PLXNA3: variants seen among roughly 807,000 people sequenced by gnomAD.
PLXNA3 encodes the protein plexin-A3.
A neutral mutation model predicts 118.8 loss-of-function variants in PLXNA3; 52 were observed. That is an observed-to-expected ratio of 0.44 (90% CI 0.35 to 0.55). The LOEUF (loss-of-function observed/expected upper bound fraction) is 0.55. Ranked by LOEUF, PLXNA3 falls within the 20% of genes least tolerant of loss-of-function variation. PLXNA3 has a pLI of 0.01. For synonymous variants in PLXNA3, 925 were observed against 762.4 expected (o/e 1.21, Z -3.51); for missense variants, 1,660 against 1,730.8 (o/e 0.96, Z 0.73).
intron 6 of PLXNA3, 111 bp from the exon 7 acceptor site, chrX:154,463,840 C>T (rs1384386387): frequency 2.0e-5 from 21 of 1,044,125 alleles, no homozygotes; most frequent in Admixed American, 5.5e-5. Context: ...TGACGTCCCT[C>T]GGGCCCCAGG....
rs1557208248 is a variant in PLXNA3 at position 154,468,453 on chromosome X, C to T, written c.4114C>T (p.Leu1372=). The T allele has an allele frequency of 1.7e-6, 2 of 1,211,457 alleles. No homozygotes were observed. The highest frequency in any genetic ancestry group is 2.2e-5 in the Admixed American group (1 of 46,182). Residue 1372 remains leucine (L), a synonymous_variant, in exon 23 of 33, where the codon CTG becomes TTG. Transcript: ENST00000369682. The stretch of plus-strand genomic sequence containing the variant: ...CGTGGCCTCGCTCACCATGGTGGCC[C>T]TGCAGAGCCGGCTCGACTATGCCAC... The part of the protein sequence containing the change: ...GTVASLTMVA[L]QSRLDYATGL...
chrX:154,460,822 C>T (rs1488248672), intron 2 of PLXNA3, 45 bp downstream of exon 2: 1 of 955,403 alleles, frequency 1.0e-6, no homozygotes, highest in East Asian at 3.1e-5. Context: ...AGTCCTGGCT[C>T]TGCCTCCCAG....
chrX:154,471,948 T>C (rs1475599405), intron 32 of PLXNA3, among the ~76,000 whole-genome samples: 1 of 112,312 alleles, frequency 8.9e-6, no homozygotes, highest in African/African-American at 3.2e-5. Context: ...GTGTGGACTT[T>C]AGGATGGAGT....
rs782003321 is a variant in PLXNA3 at position 154,464,195 on chromosome X, G to A, written c.1710G>A (p.Ala570=). 36 of 1,208,478 alleles carry A rather than the reference G, an allele frequency of 3.0e-5. No individual in the cohort carries two copies. The highest frequency in any genetic ancestry group is 8.9e-5 in the East Asian group (3 of 33,699). Residue 570 remains alanine (A), a synonymous_variant, in exon 8 of 33, where the codon GCG becomes GCA. Transcript: ENST00000369682. ...VTLHNVPDLS[A]GVSCAFEAAA... ...TGCACAACGTGCCAGACCTCAGTGC[G>A]GGCGTGAGCTGCGCCTTCGAGGCGG...
chrX:154,459,948 G>A (rs184509232), intron 1 of PLXNA3, among the ~76,000 whole-genome samples: 64 of 113,139 alleles, frequency 5.7e-4, no homozygotes, highest in African/African-American at 2.0e-3. Flanking sequence ...CTGAGGCGAG[G>A]CCTCCTGGCT....
chrX:154,470,336 T>A, intron 29 of PLXNA3, 106 bp from the exon 30 acceptor site: 1 of 962,174 alleles, frequency 1.0e-6, no homozygotes, highest in Non-Finnish European at 1.4e-6. Flanking sequence ...ACTGGCCCTG[T>A]AGGGAAGCCC....
rs200670217 is a variant in PLXNA3 at position 154,467,522 on chromosome X, C to T, written c.3442-23C>T. On this transcript the variant is annotated intron_variant, in intron 19 of 32. Coordinates refer to ENST00000369682, the MANE Select transcript of PLXNA3 (RefSeq NM_017514.5). ...GGGCGGGAAAGTGGAGAGTCCTGGG[C>T]TGAAGTTGTCCTCCACCCCCAGGGC... 1.4e-3 allele frequency: 1,666 copies of T among 1,162,963 alleles called. 12 individuals carry two copies. In the African/African-American group the frequency reaches 0.027, roughly 19 times the overall value.
At position 154,469,136 on chromosome X, in the gene PLXNA3, G is replaced by A. The variant is rs2069143032; in HGVS notation, c.4515G>A (p.Gln1505=). 1.7e-6 allele frequency: 2 copies of A among 1,211,249 alleles called. No homozygotes were observed. Among genetic ancestry groups the A allele is most frequent in the Non-Finnish European group, 2.2e-6 (2 of 895,390 alleles). The change falls in exon 26 of 33, where the codon CAG becomes CAA. Residue 1505 remains glutamine (Q), a synonymous_variant. Transcript: ENST00000369682. ...TTCTCAACTGTGACAGCATCACCCA[G>A]GCCAAAGATAAGCTGCTGGACACTG... ...VKVLNCDSIT[Q]AKDKLLDTVY...
Position 154,467,675 on chromosome X carries a change from G to A in PLXNA3, c.3572G>A (p.Arg1191Gln), listed in dbSNP as rs374696091. The change falls in exon 20 of 33, where the codon CGG becomes CAG. Residue 1191 changes from arginine (R) to glutamine (Q), a missense_variant. Around this residue, in one of 2 missense-constraint regions of PLXNA3, gnomAD observed 869 missense variants for 1,078.7 expected, o/e 0.81. Transcript: ENST00000369682. ...LLCDSPSQTG[R>Q]QPVMVLVGGL... Reference sequence around the variant, plus strand: ...TGCGACTCACCCAGCCAGACTGGCCGGCAGCCTGTCATGGTAGGTGGGGAT... The same window carrying A: ...TGCGACTCACCCAGCCAGACTGGCCAGCAGCCTGTCATGGTAGGTGGGGAT... 86 of 1,207,852 alleles carry A rather than the reference G, an allele frequency of 7.1e-5. No homozygotes were observed. The highest frequency in any genetic ancestry group is 9.2e-5 in the Non-Finnish European group (82 of 894,711).
rs2069018869 is a variant in PLXNA3, at chrX:154,463,655, G to C, written c.1512G>C (p.Gly504=). Residue 504 remains glycine, a synonymous_variant, in exon 6 of 33, where the codon GGG becomes GGC. Coordinates refer to ENST00000369682, the MANE Select transcript of PLXNA3 (RefSeq NM_017514.5). ...YQSCAACLGS[G]DPHCGWCVLR... is the part of the protein sequence containing the mutation. The stretch of plus-strand genomic sequence containing the variant: ...GCTGCGCAGCCTGCCTGGGCTCCGG[G>C]GACCCGCACTGTGGTTGGTGTGTGC... 3 of 1,203,470 alleles carry C rather than the reference G, an allele frequency of 2.5e-6. No individual in the cohort carries two copies. The highest frequency in any genetic ancestry group is 2.2e-5 in the Admixed American group (1 of 45,635).
chrX:154,470,243 A>C, intron 29 of PLXNA3, 76 bp downstream of exon 29: 1 of 1,056,510 alleles, frequency 9.5e-7, no homozygotes, highest in Non-Finnish European at 1.3e-6. Flanking sequence ...GCCATGGATC[A>C]TTTGCTTCCA....
intron 17 of PLXNA3, 63 bp from the exon 18 acceptor site, chrX:154,466,994 C>A: frequency 9.6e-7 from 1 of 1,039,693 alleles, no homozygotes; most frequent in Non-Finnish European, 1.3e-6. Flanking sequence ...CAGCCTTGAT[C>A]GCTCTCCAGG....
At position 154,472,600 on chromosome X, in the gene PLXNA3, C is replaced by T. The variant is rs782078677; in HGVS notation, c.5531C>T (p.Ala1844Val). 5.0e-6 allele frequency: 6 copies of T among 1,202,635 alleles called. No individual in the cohort carries two copies. Among genetic ancestry groups the T allele is most frequent in the African/African-American group, 1.8e-5 (1 of 57,092 alleles). Residue 1844 changes from alanine (A) to valine (V), a missense_variant, in exon 33 of 33, where the codon GCT (alanine) becomes GTT (valine). By Grantham distance (64) the Ala-to-Val change is moderately conservative. Transcript: ENST00000369682. ...VTKYRQEILT[A>V]LDRDASCRKH... ...ACTCCTCTCCCCCAGATTCTCACGGCTCTGGACCGAGATGCCTCTTGTCGG... is the reference window on the plus strand; with the variant it reads ...ACTCCTCTCCCCCAGATTCTCACGGTTCTGGACCGAGATGCCTCTTGTCGG...
rs781899215 is a variant in PLXNA3, at chrX:154,461,364, T to C, written c.860T>C (p.Val287Ala). ...CCCATCGGCTGCTCCTGGCGCGGCG[T>C]GGAGTACCGCTTGGTGCAGAGCGCC... ...EFPIGCSWRG[V>A]EYRLVQSAHL... The change falls in exon 3 of 33, where the codon GTG becomes GCG. Residue 287 changes from valine (V) to alanine (A), a missense_variant. Val to Ala is a moderately conservative substitution (Grantham distance 64). Transcript: ENST00000369682. The C allele has an allele frequency of 5.8e-6, 7 of 1,211,931 alleles. No individual in the cohort carries two copies. In the East Asian group the frequency reaches 2.1e-4, roughly 36 times the overall value.
intron 1 of PLXNA3, among the ~76,000 whole-genome samples, chrX:154,459,376 G>A (rs1410419733): frequency 8.9e-6 from 1 of 111,786 alleles, no homozygotes; most frequent in Non-Finnish European, 1.9e-5. Flanking sequence ...CCAAGGCCTT[G>A]ACTGTATTTG....
rs2069031117 is a variant in PLXNA3, at chrX:154,464,149, T to C, written c.1672-8T>C. Reference sequence around the variant, plus strand: ...TCCGCCCTGCCCTGAGCCCTCTGCTTCCCCCAGCTGACCGTCACCCTGCAC... The same window carrying C: ...TCCGCCCTGCCCTGAGCCCTCTGCTCCCCCCAGCTGACCGTCACCCTGCAC... On this transcript the variant is annotated splice_region_variant and splice_polypyrimidine_tract_variant and intron_variant, in intron 7 of 32. Transcript: ENST00000369682. The C allele has an allele frequency of 1.7e-6, 2 of 1,207,360 alleles. No homozygotes were observed. The highest frequency in any genetic ancestry group is 4.4e-5 in the Admixed American group (2 of 45,955).
Position 154,460,197 on chromosome X carries a change from GCCT to G in PLXNA3, c.21_23del (p.Leu10del). The stretch of plus-strand genomic sequence containing the variant: ...CGGCTGCCGGCCATGCCCTCTGTCT[GCCT>G]CCTCCTGCTGCTCTTCCTTGCCGTG... On this transcript the variant is annotated inframe_deletion, in exon 2 of 33. Coordinates refer to ENST00000369682, the MANE Select transcript of PLXNA3 (RefSeq NM_017514.5). The G allele has an allele frequency of 2.5e-6, 3 of 1,204,259 alleles. No individual in the cohort carries two copies. Among genetic ancestry groups the G allele is most frequent in the Non-Finnish European group, 3.4e-6 (3 of 890,590 alleles).
At position 154,470,567 on chromosome X, in the gene PLXNA3, C is replaced by T. The variant is rs369508232; in HGVS notation, c.5112C>T (p.Arg1704=). 5 of 1,210,593 alleles carry T rather than the reference C, an allele frequency of 4.1e-6. No homozygotes were observed. The highest frequency in any genetic ancestry group is 5.6e-6 in the Non-Finnish European group (5 of 895,261). ...TCCTGGATGAGCAGGCGGACCAGCG[C>T]CAGATCAGCGACCCCGATGTGCGCC... The part of the protein sequence containing the change: ...FDFLDEQADQ[R]QISDPDVRHT... Residue 1704 remains arginine (R), a synonymous_variant, in exon 30 of 33, where the codon CGC becomes CGT. Coordinates refer to ENST00000369682, the MANE Select transcript of PLXNA3 (RefSeq NM_017514.5).
At position 154,460,565 on chromosome X, in the gene PLXNA3, C is replaced by G. The variant is rs1010317383; in HGVS notation, c.382C>G (p.Leu128Val). 1 of 1,208,687 alleles carries G rather than the reference C, an allele frequency of 8.3e-7. No homozygotes were observed. Among genetic ancestry groups the G allele is most frequent in the Non-Finnish European group, 1.1e-6 (1 of 893,991 alleles). ...CTGCCAGTTCCTGCGTCTGGACGAC[C>G]TCTTCAAGCTGGGTGAGCCGCACCA... Reference protein sequence around the residue: ...GICQFLRLDDLFKLGEPHHRK... With the variant: ...GICQFLRLDDVFKLGEPHHRK... The change falls in exon 2 of 33, where the codon CTC (leucine) becomes GTC (valine). Residue 128 changes from leucine to valine, a missense_variant. This residue lies in a region of PLXNA3 where 791 missense variants were observed against 652.1 expected (regional missense o/e 1.21). Coordinates refer to ENST00000369682, the MANE Select transcript of PLXNA3 (RefSeq NM_017514.5).
Sources: allele counts gnomAD v4.1 joint callset (sites outside exome capture counted in the v4.1 genomes callset), GRCh38; gene constraint gnomAD v4.1.1; regional missense constraint gnomAD v4.1.1; transcripts MANE v1.5; gene names NCBI Gene and HGNC (gene_info 2026-07-23, HGNC 2026-07-21).